Variants in FBXL18 observed in about 807,000 individuals in gnomAD.
FBXL18 encodes the protein F-box/LRR-repeat protein 18.
In FBXL18, 36 loss-of-function variants were observed where a neutral mutation model predicts 46.0. The ratio of observed to expected loss-of-function variants is 0.78; its 90% CI spans 0.60 to 1.03. The LOEUF is 1.03. FBXL18 is among the 50% of genes least tolerant of loss of function. The pLI, the probability that FBXL18 is intolerant of heterozygous loss-of-function variation, is 0.00. For missense variants in FBXL18, 977 were observed against 1,004.1 expected, an observed-to-expected ratio of 0.97 and a Z score of 0.36; for synonymous variants, 557 against 465.3, an observed-to-expected ratio of 1.20 and a Z score of -2.54.
At chr7:5,489,277 A>T (rs751185545) in intron 4 of FBXL18, 1 of 519,014 alleles carries the variant, frequency 1.9e-6, no homozygotes, top group South Asian at 1.4e-5. Flanking sequence ...TGAGAACCCT[A>T]TCTCCAGTTC....
chr7:5,485,645 C>T (rs1783752432), intron 4 of FBXL18, among the ~76,000 whole-genome samples: 1 of 152,164 alleles, frequency 6.6e-6, no homozygotes, highest in Non-Finnish European at 1.5e-5. Flanking sequence ...TGGTGGCTCA[C>T]ACCTATAATC....
At chr7:5,499,282 C>T (rs1562698891) in intron 3 of FBXL18, among the ~76,000 whole-genome samples, 1 of 150,340 alleles carries the variant, frequency 6.7e-6, no homozygotes, top group Non-Finnish European at 1.5e-5. Context: ...CCTTCCTTGT[C>T]TGCCCCATCT....
At chr7:5,509,311 A>T (rs1054290198) in intron 1 of FBXL18, among the ~76,000 whole-genome samples, 1 of 152,016 alleles carries the variant, frequency 6.6e-6, no homozygotes, top group Non-Finnish European at 1.5e-5. Flanking sequence ...AGGGAGAGAC[A>T]GCAGGCCAGG....
intron 4 of FBXL18, among the ~76,000 whole-genome samples, chr7:5,463,039 T>C (rs1218160522): frequency 7.6e-6 from 1 of 131,028 alleles, no homozygotes; most frequent in Non-Finnish European, 1.6e-5. Flanking sequence ...AGTGAGCACA[T>C]GCAAAGAAGC....
At chr7:5,460,135 T>C (rs1783223395) in intron 4 of FBXL18, among the ~76,000 whole-genome samples, 1 of 151,930 alleles carries the variant, frequency 6.6e-6, no homozygotes, top group Non-Finnish European at 1.5e-5. Flanking sequence ...ATGCCTGTAA[T>C]ATCACATACT....
chr7:5,466,924 C>T (rs1236831195), intron 4 of FBXL18, among the ~76,000 whole-genome samples: 1 of 152,172 alleles, frequency 6.6e-6, no homozygotes, highest in African/African-American at 2.4e-5. Flanking sequence ...ACAGAATTTA[C>T]ATCAATTTAA....
Position 5,496,379 on chromosome 7 carries a change from G to C in FBXL18, c.1781+4109C>G, listed in dbSNP as rs1439729407. On this transcript the variant is annotated intron_variant, in intron 3 of 4. Coordinates refer to ENST00000382368, the MANE Select transcript of FBXL18 (RefSeq NM_024963.6). The surrounding 1 kb of genome is among the most constrained non-coding windows in gnomAD (Gnocchi z 4.8). ...CCGGCCAGTGCCTCCCTTGCTGACA[G>C]CCTCTGCTCGGTCTCCCTTCCACAT... is the stretch of plus-strand genomic sequence containing the variant. 6.6e-6 allele frequency among the ~76,000 whole-genome samples: 1 copy of C among 152,162 alleles called. No individual in the cohort carries two copies. The highest frequency in any genetic ancestry group is 1.5e-5 in the Non-Finnish European group (1 of 68,038).
rs537048606 is a variant in FBXL18, at chr7:5,480,113, C to G, written c.*1662G>C. 2.6e-5 allele frequency among the ~76,000 whole-genome samples: 4 copies of G among 152,292 alleles called. No homozygotes were observed. The highest frequency in any genetic ancestry group is 5.9e-5 in the Non-Finnish European group (4 of 68,022). Reference sequence around the variant, plus strand: ...AACCATCCCCACTCAGGGGCAGGGCCGGTGATTGGAGGCCTGGGGATGGTG... The same window carrying G: ...AACCATCCCCACTCAGGGGCAGGGCGGGTGATTGGAGGCCTGGGGATGGTG... On this transcript the variant is annotated 3_prime_UTR_variant, in exon 5 of 5. Coordinates refer to ENST00000382368, the MANE Select transcript of FBXL18 (RefSeq NM_024963.6).
At chr7:5,495,775 G>A (rs746764109) in intron 3 of FBXL18, 17 of 472,102 alleles carry the variant, frequency 3.6e-5, no homozygotes, top group Middle Eastern at 3.5e-4. Context: ...CCACTGCAGC[G>A]TCCGGGCTCC....
chr7:5,484,143 C>A (rs1783714601), intron 4 of FBXL18, among the ~76,000 whole-genome samples: 1 of 152,282 alleles, frequency 6.6e-6, no homozygotes, highest in African/African-American at 2.4e-5. Flanking sequence ...CAAACTCCAC[C>A]CCCTCTGGCT....
At chr7:5,467,334 G>A (rs534776660) in intron 4 of FBXL18, among the ~76,000 whole-genome samples, 1 of 152,096 alleles carries the variant, frequency 6.6e-6, no homozygotes, top group East Asian at 1.9e-4. Flanking sequence ...CTGGGTGACA[G>A]AGCGAGACTC....
At chr7:5,487,178 T>C (rs1783798041) in intron 4 of FBXL18, among the ~76,000 whole-genome samples, 1 of 152,212 alleles carries the variant, frequency 6.6e-6, no homozygotes, top group Admixed American at 6.5e-5. Flanking sequence ...GGTCAGACCC[T>C]GTCTGCAGGT....
At position 5,502,757 on chromosome 7, in the gene FBXL18, G is replaced by C. The variant is rs1784299307; in HGVS notation, c.238-726C>G. Among the ~76,000 whole-genome samples the C allele has an allele frequency of 3.3e-5, 5 of 151,718 alleles. No homozygotes were observed. The South Asian group carries it at 1.0e-3, about 32-fold the overall frequency. ...GCAGGAGAATCGCTTGAACCTGGGA[G>C]GCAGAGGTTGCAGTGAGCCAAGATG... On this transcript the variant is annotated intron_variant, in intron 2 of 4. Coordinates refer to ENST00000382368, the MANE Select transcript of FBXL18 (RefSeq NM_024963.6).
At position 5,477,256 on chromosome 7, in the gene FBXL18, C is replaced by G. The variant is rs146710469; in HGVS notation, c.*4519G>C. Among the ~76,000 whole-genome samples the G allele has an allele frequency of 1.3e-5, 2 of 152,122 alleles. No homozygotes were observed. Among genetic ancestry groups the G allele is most frequent in the East Asian group, 1.9e-4 (1 of 5,196 alleles). On this transcript the variant is annotated 3_prime_UTR_variant, in exon 5 of 5. Coordinates refer to ENST00000382368, the MANE Select transcript of FBXL18 (RefSeq NM_024963.6). This position sits in a 1 kb window ranked among gnomAD's most constrained non-coding sequence, Gnocchi z 4.4. Reference sequence around the variant, plus strand: ...ATGAGACCCATGACCATCACAAAGACCCCCCAGCGTCGTGGTCAAGGCTAC... The same window carrying G: ...ATGAGACCCATGACCATCACAAAGAGCCCCCAGCGTCGTGGTCAAGGCTAC...
At chr7:5,494,452 A>T (rs895439165) in intron 3 of FBXL18, among the ~76,000 whole-genome samples, 3 of 152,112 alleles carry the variant, frequency 2.0e-5, no homozygotes, top group Admixed American at 1.3e-4. Context: ...ATAAATAAAT[A>T]AAATTAAATA....
At chr7:5,504,108 C>T (rs369500369) in intron 2 of FBXL18, among the ~76,000 whole-genome samples, 1 of 151,666 alleles carries the variant, frequency 6.6e-6, no homozygotes. Context: ...ACTCAGCTCC[C>T]TCATCCACTG....
intron 3 of FBXL18, among the ~76,000 whole-genome samples, chr7:5,494,497 T>C (rs1470890596): frequency 6.6e-6 from 1 of 152,148 alleles, no homozygotes; most frequent in Admixed American, 6.5e-5. Flanking sequence ...TGTCTTTATT[T>C]TTCTATATTT....
At chr7:5,492,254 C>T (rs78816433) in intron 3 of FBXL18, among the ~76,000 whole-genome samples, 3,527 of 150,240 alleles carry the variant, frequency 0.023, 128 homozygotes, top group African/African-American at 0.082. Flanking sequence ...AGCAGAAGGA[C>T]AGGCCATGTC....
intron 1 of FBXL18, among the ~76,000 whole-genome samples, chr7:5,507,183 G>C (rs1207900399): frequency 6.6e-6 from 1 of 152,144 alleles, no homozygotes; most frequent in Non-Finnish European, 1.5e-5. Flanking sequence ...TATTTGCCTG[G>C]ATGGAAGCTC....
Sources: gnomAD v4.1 joint callset for allele counts (sites outside exome capture counted in the v4.1 genomes callset) on GRCh38, gnomAD v4.1.1 for gene constraint, Gnocchi (gnomAD v3.1) non-coding constraint, MANE v1.5 for transcripts, NCBI Gene and HGNC (gene_info 2026-07-23, HGNC 2026-07-21) for gene names.